CDYL2: variants seen among roughly 807,000 people sequenced by gnomAD.
The protein encoded by CDYL2 is chromodomain Y-like protein 2.
CDYL2 carries 23 observed loss-of-function variants against 49.4 expected under a neutral mutation model. That is an observed-to-expected ratio of 0.47 (90% CI 0.34 to 0.66). CDYL2 has a LOEUF of 0.66. CDYL2 is among the 30% of genes least tolerant of loss of function. The pLI is 0.01. For missense variants in CDYL2, 678 were observed against 656.4 expected (o/e 1.03, Z -0.36); for synonymous variants, 360 against 268.8 (o/e 1.34, Z -3.32).
chr16:80,789,464 G>A (rs1907541311), intron 1 of CDYL2, among the ~76,000 whole-genome samples: 1 of 152,074 alleles, frequency 6.6e-6, no homozygotes, highest in African/African-American at 2.4e-5. Context: ...GCTGGGCATG[G>A]TGGTGGGCAC....
At chr16:80,604,643 T>G (rs1906252097) in intron 6 of CDYL2, 97 bp from the exon 7 acceptor site, 1 of 1,319,412 alleles carries the variant, frequency 7.6e-7, no homozygotes, top group Non-Finnish European at 1.1e-6. Flanking sequence ...CCTCCCATAC[T>G]CACAGCCAGA....
At chr16:80,698,341 T>C (rs1003095713) in intron 1 of CDYL2, among the ~76,000 whole-genome samples, 2 of 152,082 alleles carry the variant, frequency 1.3e-5, no homozygotes, top group African/African-American at 4.8e-5. Context: ...TAGGACAAAA[T>C]ATTTGCAAAT....
At chr16:80,695,623 G>T (rs1171292619) in intron 1 of CDYL2, among the ~76,000 whole-genome samples, 1 of 152,012 alleles carries the variant, frequency 6.6e-6, no homozygotes, top group Non-Finnish European at 1.5e-5. Context: ...AGATAAAATA[G>T]ACCTTAAGTT....
intron 1 of CDYL2, among the ~76,000 whole-genome samples, chr16:80,768,755 G>A (rs553832095): frequency 3.9e-5 from 6 of 152,168 alleles, no homozygotes; most frequent in African/African-American, 7.2e-5. Context: ...GAATTAGGTC[G>A]CCTGGGTTCA....
chr16:80,715,088 A>G (rs186369065), intron 1 of CDYL2, among the ~76,000 whole-genome samples: 204 of 152,264 alleles, frequency 1.3e-3, no homozygotes, highest in Non-Finnish European at 2.1e-3. Flanking sequence ...TGGAGGAGCA[A>G]CTGGAGATGA....
chr16:80,747,903 G>A (rs112660008), intron 1 of CDYL2, among the ~76,000 whole-genome samples: 1 of 151,926 alleles, frequency 6.6e-6, no homozygotes, highest in Admixed American at 6.6e-5. Flanking sequence ...AGACTCATTA[G>A]ACACCAGTAC....
At chr16:80,687,382 A>G (rs187901283) in intron 1 of CDYL2, among the ~76,000 whole-genome samples, 126 of 152,050 alleles carry the variant, frequency 8.3e-4, no homozygotes, top group Middle Eastern at 3.4e-3. Flanking sequence ...GGGTGGGTGG[A>G]TGGATGGATG....
intron 3 of CDYL2, among the ~76,000 whole-genome samples, chr16:80,623,572 G>A (rs1286698354): frequency 6.6e-6 from 1 of 152,198 alleles, no homozygotes; most frequent in Non-Finnish European, 1.5e-5. Context: ...CAGACCGACA[G>A]GATGAGTTTC....
chr16:80,718,660 G>A (rs888388086), intron 1 of CDYL2, among the ~76,000 whole-genome samples: 1 of 152,186 alleles, frequency 6.6e-6, no homozygotes, highest in Admixed American at 6.5e-5. Context: ...AGTCCAGTCT[G>A]GCAAGTGTAA....
intron 2 of CDYL2, among the ~76,000 whole-genome samples, chr16:80,682,755 C>T (rs1329244843): frequency 2.6e-5 from 4 of 152,178 alleles, no homozygotes; most frequent in Admixed American, 6.5e-5. Flanking sequence ...ACTCCGCCAC[C>T]GCCAGCAGCC....
chr16:80,732,455 A>C (rs934655390), intron 1 of CDYL2, among the ~76,000 whole-genome samples: 8 of 152,194 alleles, frequency 5.3e-5, no homozygotes, highest in African/African-American at 1.9e-4. Context: ...TGTCCCAAAC[A>C]AGAAAAAAAG....
chr16:80,779,191 C>T (rs539008012), intron 1 of CDYL2, among the ~76,000 whole-genome samples: 1 of 151,926 alleles, frequency 6.6e-6, no homozygotes, highest in Non-Finnish European at 1.5e-5. Context: ...TTAAATTACT[C>T]TCCTTTAAAA....
intron 1 of CDYL2, among the ~76,000 whole-genome samples, chr16:80,763,147 C>T (rs114933693): frequency 2.7e-5 from 4 of 150,324 alleles, no homozygotes; most frequent in African/African-American, 9.8e-5. Context: ...CAGCAGGAAC[C>T]TAACTAATCC....
At chr16:80,635,774 G>C (rs765931245) in intron 2 of CDYL2, among the ~76,000 whole-genome samples, 2 of 152,100 alleles carry the variant, frequency 1.3e-5, no homozygotes, top group Non-Finnish European at 2.9e-5. Flanking sequence ...TAAGCAAAAA[G>C]AACAAAGCTG....
chr16:80,625,422 G>C (rs1907258295), intron 3 of CDYL2, among the ~76,000 whole-genome samples: 1 of 152,074 alleles, frequency 6.6e-6, no homozygotes, highest in African/African-American at 2.4e-5. Flanking sequence ...AGCCCATCCA[G>C]GTAGTCTAGA....
chr16:80,739,030 T>C (rs886161648), intron 1 of CDYL2, among the ~76,000 whole-genome samples: 1 of 152,202 alleles, frequency 6.6e-6, no homozygotes, highest in Admixed American at 6.5e-5. Context: ...GATGAATGGA[T>C]AAACAAAACG....
chr16:80,789,213 G>C (rs978950720), intron 1 of CDYL2, among the ~76,000 whole-genome samples: 7 of 152,132 alleles, frequency 4.6e-5, no homozygotes, highest in Non-Finnish European at 1.0e-4. Context: ...AAACAGTATA[G>C]AGGTATCTCA....
Position 80,699,502 on chromosome 16 carries a change from G to C in CDYL2, c.25-14373C>G, listed in dbSNP as rs1410023331. 4.8e-5 allele frequency among the ~76,000 whole-genome samples: 7 copies of C among 146,388 alleles called. No individual in the cohort carries two copies. In the East Asian group the frequency reaches 1.4e-3, roughly 29 times the overall value. On this transcript the variant is annotated intron_variant, in intron 1 of 6. Coordinates refer to ENST00000570137, the MANE Select transcript of CDYL2 (RefSeq NM_152342.4). ...GTAGAGAGTAGAACAGTAGTTACTA[G>C]AGGCTGTGAAGAATAGCACGAACAG... is the stretch of plus-strand genomic sequence containing the variant.
At chr16:80,621,353 T>G (rs1907075957) in intron 3 of CDYL2, among the ~76,000 whole-genome samples, 1 of 152,246 alleles carries the variant, frequency 6.6e-6, no homozygotes, top group Non-Finnish European at 1.5e-5. Context: ...CTCAATTTAA[T>G]TATTATACAT....
Sources: gnomAD v4.1 joint callset for allele counts (sites outside exome capture counted in the v4.1 genomes callset) on GRCh38, gnomAD v4.1.1 for gene constraint, MANE v1.5 for transcripts, NCBI Gene and HGNC (gene_info 2026-07-23, HGNC 2026-07-21) for gene names.